The following ABCA4 variants were observed in gnomAD, a reference collection of about 807,000 sequenced individuals.
ABCA4 encodes the protein ATP binding cassette subfamily A member 4.
A neutral mutation model predicts 263.7 loss-of-function variants in ABCA4; 196 were observed. The observed-to-expected ratio is 0.74, with a 90% CI of 0.66 to 0.84. ABCA4 has a LOEUF of 0.84. Among genes scored for constraint, ABCA4 ranks in the 40% least tolerant of loss-of-function variants. The pLI, the probability that ABCA4 is intolerant of heterozygous loss-of-function variation, is 0.00. For synonymous variants in ABCA4, 1,133 were observed against 1,094.2 expected, an observed-to-expected ratio of 1.04 and a Z score of -0.70; for missense variants, 2,792 against 2,855.1, an observed-to-expected ratio of 0.98 and a Z score of 0.50.
At chr1:94,039,022 T>A (rs185202361) in intron 24 of ABCA4, among the ~76,000 whole-genome samples, 91 of 152,322 alleles carry the variant, frequency 6.0e-4, no homozygotes, top group Non-Finnish European at 1.0e-3. Flanking sequence ...TCCAATCTGA[T>A]TTTGGCAAAT....
intron 11 of ABCA4, among the ~76,000 whole-genome samples, chr1:94,073,960 T>C (rs1661471973): frequency 6.6e-6 from 1 of 152,074 alleles, no homozygotes; most frequent in Non-Finnish European, 1.5e-5. Flanking sequence ...GGGTGGATGG[T>C]GGTGGGCCTG....
chr1:94,113,454 A>T (rs889696018), intron 1 of ABCA4, among the ~76,000 whole-genome samples: 4 of 152,210 alleles, frequency 2.6e-5, no homozygotes, highest in Admixed American at 2.6e-4. Flanking sequence ...GGTAATGCTG[A>T]TCTAACAGGT....
intron 22 of ABCA4, 28 bp downstream of exon 22, chr1:94,042,733 G>C (rs1454834732): frequency 6.2e-7 from 1 of 1,614,020 alleles, no homozygotes; most frequent in African/African-American, 1.3e-5. Context: ...TGAGAGCCCA[G>C]CCCAGGAGAC....
chr1:94,015,594 G>C, intron 37 of ABCA4, 145 bp downstream of exon 37: 1 of 711,278 alleles, frequency 1.4e-6, no homozygotes, highest in Admixed American at 2.1e-5. Context: ...CTGGTTATCA[G>C]CTTCAGACCC....
chr1:94,043,929 G>C (rs1034614445), intron 20 of ABCA4, among the ~76,000 whole-genome samples: 2 of 152,134 alleles, frequency 1.3e-5, no homozygotes, highest in Admixed American at 1.3e-4. Flanking sequence ...TCTCTGAGTA[G>C]TGAAATTACA....
Position 94,098,451 on chromosome 1 carries a change from A to G in ABCA4, c.768+343T>C, listed in dbSNP as rs541175829. ...ACCAGAAAAGGTTCAATATCTTACC[A>G]TGATCACCTGGCTAGGAAATAGCAG... On this transcript the variant is annotated intron_variant, in intron 6 of 49. Transcript: ENST00000370225. Among the ~76,000 whole-genome samples the G allele has an allele frequency of 9.2e-5, 14 of 152,324 alleles. No individual in the cohort carries two copies. The South Asian group carries it at 2.5e-3, about 27-fold the overall frequency.
chr1:94,007,761 A>G (rs1553187165), intron 42 of ABCA4, 21 bp from the exon 43 acceptor site: 1 of 1,600,810 alleles, frequency 6.2e-7, no homozygotes, highest in Non-Finnish European at 8.6e-7. Flanking sequence ...ACACAGAGCT[A>G]GCCTGGCCCT....
chr1:93,998,230 C>T, intron 47 of ABCA4, 120 bp from the exon 48 acceptor site: 1 of 1,367,888 alleles, frequency 7.3e-7, no homozygotes, highest in East Asian at 2.4e-5. Flanking sequence ...GTGGCTCACA[C>T]CTGAAATCCC....
chr1:94,034,752 C>A (rs1466217154), intron 26 of ABCA4, among the ~76,000 whole-genome samples: 1 of 151,762 alleles, frequency 6.6e-6, no homozygotes, highest in East Asian at 1.9e-4. Context: ...TGGGGCAGAC[C>A]CCTGCCCTGC....
Position 94,060,536 on chromosome 1 carries a change from C to G in ABCA4, c.2160+1G>C, listed in dbSNP as rs61749427. ...TTCTGGGCCTTCTCCATTTGGCTTACCATGATGAATATCGTCAGGAGGAAG... is the reference window on the plus strand; with the variant it reads ...TTCTGGGCCTTCTCCATTTGGCTTAGCATGATGAATATCGTCAGGAGGAAG... On this transcript the variant is annotated splice_donor_variant, in intron 14 of 49. Coordinates refer to ENST00000370225, the MANE Select transcript of ABCA4 (RefSeq NM_000350.3). LOFTEE classifies it high-confidence loss of function. The G allele has an allele frequency of 6.8e-6, 11 of 1,613,424 alleles. No homozygotes were observed. Among genetic ancestry groups the G allele is most frequent in the Non-Finnish European group, 7.6e-6 (9 of 1,179,854 alleles).
intron 19 of ABCA4, among the ~76,000 whole-genome samples, chr1:94,045,318 C>CT (rs10717749): frequency 0.11 from 14,715 of 132,606 alleles, 810 homozygotes; most frequent in Middle Eastern, 0.17. Context: ...CAATGGTGGG[C>CT]TTTTTTTTTT....
intron 47 of ABCA4, among the ~76,000 whole-genome samples, chr1:93,999,908 GAT>G (rs1362101164): frequency 6.6e-6 from 1 of 152,240 alleles, no homozygotes; most frequent in Non-Finnish European, 1.5e-5. Flanking sequence ...TATTTCTATA[GAT>G]ATCTATGCAG....
intron 4 of ABCA4, 94 bp downstream of exon 4, chr1:94,108,483 A>T (rs1662501578): frequency 1.9e-6 from 3 of 1,579,418 alleles, no homozygotes; most frequent in Admixed American, 3.3e-5. Context: ...CTCCGCTAGT[A>T]TATTTTTCAC....
chr1:94,043,251 G>C, intron 21 of ABCA4, 85 bp downstream of exon 21: 2 of 1,591,244 alleles, frequency 1.3e-6, no homozygotes, highest in Non-Finnish European at 1.7e-6. Context: ...AAGCTCTCCT[G>C]CTCCAAGCCT....
chr1:94,045,692 C>T (rs1234042243), intron 19 of ABCA4: 2 of 451,264 alleles, frequency 4.4e-6, no homozygotes, highest in Non-Finnish European at 4.5e-6. Flanking sequence ...GAAATCTCCG[C>T]GATCAACCAC....
intron 2 of ABCA4, 134 bp from the exon 3 acceptor site, chr1:94,111,713 C>T (rs1246281541): frequency 3.6e-5 from 40 of 1,098,900 alleles, no homozygotes; most frequent in South Asian, 1.2e-4. Context: ...ATTTAAGAAG[C>T]AGGAGCATCT....
At position 94,111,445 on chromosome 1, in the gene ABCA4, T is replaced by G. The variant is rs575809706; in HGVS notation, c.295A>C (p.Asn99His). The change falls in exon 3 of 50, where the codon AAC becomes CAC. Residue 99 changes from asparagine to histidine, a missense_variant. Asn to His is a moderately conservative substitution (Grantham distance 68). Transcript: ENST00000370225. Reference sequence around the variant, plus strand: ...AGGGATCTCAACACTTACATGGAGTTGTTATAGTTTGACACAATTCCAGGA... The same window carrying G: ...AGGGATCTCAACACTTACATGGAGTGGTTATAGTTTGACACAATTCCAGGA... ...ESPGIVSNYN[N>H]SILARVYRDF... 29 of 1,614,004 alleles carry G rather than the reference T, an allele frequency of 1.8e-5. No homozygotes were observed. In the South Asian group the frequency reaches 3.2e-4, roughly 18 times the overall value.
intron 49 of ABCA4, among the ~76,000 whole-genome samples, chr1:93,993,869 C>T (rs1180656681): frequency 1.3e-5 from 2 of 152,064 alleles, no homozygotes; most frequent in South Asian, 2.1e-4. Flanking sequence ...TGAACCAATG[C>T]CCGCTGTGGA....
intron 7 of ABCA4, 141 bp from the exon 8 acceptor site, chr1:94,080,859 G>T: frequency 7.6e-7 from 1 of 1,317,822 alleles, no homozygotes; most frequent in Non-Finnish European, 1.1e-6. Flanking sequence ...TAATCCAGCT[G>T]CGAAAAACAA....
Sources: allele counts gnomAD v4.1 joint callset (sites outside exome capture counted in the v4.1 genomes callset), GRCh38; gene constraint gnomAD v4.1.1; transcripts MANE v1.5; gene names NCBI Gene and HGNC (gene_info 2026-07-23, HGNC 2026-07-21).